The following L3MBTL2 variants were observed in gnomAD, a reference collection of about 807,000 sequenced individuals.
The protein encoded by L3MBTL2 is lethal(3)malignant brain tumor-like protein 2.
In L3MBTL2, 49 loss-of-function variants were observed where a neutral mutation model predicts 86.4. That is an observed-to-expected ratio of 0.57 (90% CI 0.45 to 0.72). L3MBTL2 has a LOEUF of 0.72. L3MBTL2 is among the 30% of genes least tolerant of loss of function. L3MBTL2 has a pLI of 0.00. For missense variants in L3MBTL2, 755 were observed against 923.7 expected (o/e 0.82, Z 2.37); for synonymous variants, 336 against 350.6 (o/e 0.96, Z 0.47).
At position 41,230,658 on chromosome 22, in the gene L3MBTL2, G is replaced by A. The variant is rs1478950336; in HGVS notation, c.*407G>A. 1 of 199,510 alleles carries A rather than the reference G, an allele frequency of 5.0e-6. No individual in the cohort carries two copies. The highest frequency in any genetic ancestry group is 1.0e-5 in the Non-Finnish European group (1 of 98,936). The allele number at this position is 199,510 out of a possible 1,614,324, so 12.4% of individuals were successfully genotyped here. A position where few individuals can be genotyped will look rare whatever the true frequency, so the allele number is the denominator to read the frequency against. ...CAGTGAACTCTGTCTGCCTGAACGA[G>A]CCATGTAAATTAAGTTCTAGAGCAG... On this transcript the variant is annotated 3_prime_UTR_variant, in exon 17 of 17. Coordinates refer to ENST00000216237, the MANE Select transcript of L3MBTL2 (RefSeq NM_031488.5).
At chr22:41,211,781 T>A (rs1252315160) in intron 2 of L3MBTL2, among the ~76,000 whole-genome samples, 1 of 143,622 alleles carries the variant, frequency 7.0e-6, no homozygotes, top group African/African-American at 2.6e-5. Flanking sequence ...ATGGTCTCGA[T>A]CTCCTGACCT....
intron 3 of L3MBTL2, among the ~76,000 whole-genome samples, chr22:41,215,268 C>G (rs2031254372): frequency 6.6e-6 from 1 of 152,160 alleles, no homozygotes; most frequent in Non-Finnish European, 1.5e-5. Context: ...CTTCCGAGAG[C>G]TAAGAATAAT....
intron 2 of L3MBTL2, among the ~76,000 whole-genome samples, chr22:41,212,245 C>G (rs1469408133): frequency 6.6e-6 from 1 of 152,130 alleles, no homozygotes. Flanking sequence ...CAGCCCTTCT[C>G]TTAGAATCTT....
In L3MBTL2 at chr22:41,221,284, C is replaced by G; in HGVS notation, c.939C>G (p.Ile313Met). 1 of 1,551,546 alleles carries G rather than the reference C, an allele frequency of 6.4e-7. No homozygotes were observed. ...GGACGCTTCCCGTGGATTTCCACAT[C>G]AAGGTCGGCAGTGAGCCCTTAACTG... ...GSRTLPVDFHIKMVESMKYPF... is the reference protein window; with the variant it reads ...GSRTLPVDFHMKMVESMKYPF... The change falls in exon 8 of 17, where the codon ATC becomes ATG. Residue 313 changes from isoleucine to methionine, a missense_variant. By Grantham distance (10) the Ile-to-Met change is conservative (BLOSUM62 1). Around this residue, in one of 3 missense-constraint regions of L3MBTL2, gnomAD observed 634 missense variants for 748.9 expected, o/e 0.85. Transcript: ENST00000216237.
chr22:41,205,816 G>A (rs772035811), intron 1 of L3MBTL2, among the ~76,000 whole-genome samples: 1 of 152,128 alleles, frequency 6.6e-6, no homozygotes, highest in African/African-American at 2.4e-5. Flanking sequence ...CAGCAATCAT[G>A]TATTATTCTT....
chr22:41,208,745 AT>A, intron 1 of L3MBTL2, among the ~76,000 whole-genome samples: 1 of 152,110 alleles, frequency 6.6e-6, no homozygotes, highest in South Asian at 2.1e-4. Flanking sequence ...ACGGGGAAGA[AT>A]TTTTGTTTTT....
At chr22:41,219,760 T>A (rs1201976880) in intron 6 of L3MBTL2, among the ~76,000 whole-genome samples, 4 of 152,190 alleles carry the variant, frequency 2.6e-5, no homozygotes. Context: ...TTGTTTTTTT[T>A]AGATGGTGTC....
chr22:41,215,702 G>GGGCCCTCTCCC, intron 3 of L3MBTL2, among the ~76,000 whole-genome samples: 1 of 152,176 alleles, frequency 6.6e-6, no homozygotes, highest in African/African-American at 2.4e-5. Context: ...TCGCCTATGT[G>GGGCCCTCTCCC]GACCCTCTCC....
intron 5 of L3MBTL2, chr22:41,217,600 C>T (rs1452773478): frequency 5.0e-6 from 1 of 199,390 alleles, no homozygotes; most frequent in African/African-American, 2.4e-5. Flanking sequence ...CTCCTGGAGC[C>T]ACTTCTGTAA....
chr22:41,225,720 T>C lies in L3MBTL2; in HGVS notation c.1357-74T>C, dbSNP rs2032136114. Reference sequence around the variant, plus strand: ...GGATCCATTTGCCTCGTGTCCCTATTGGGGTGCGGTACCAACCCAGGATGG... The same window carrying C: ...GGATCCATTTGCCTCGTGTCCCTATCGGGGTGCGGTACCAACCCAGGATGG... On this transcript the variant is annotated intron_variant, in intron 11 of 16. Transcript: ENST00000216237. This position sits in a 1 kb window ranked among gnomAD's most constrained non-coding sequence, Gnocchi z 4.1. 2 of 1,507,526 alleles carry C rather than the reference T, an allele frequency of 1.3e-6. No individual in the cohort carries two copies. The highest frequency in any genetic ancestry group is 3.7e-5 in the Admixed American group (2 of 54,430). 93.4% of individuals were successfully genotyped at this position (1,507,526 alleles called of 1,614,324 possible).
chr22:41,220,416 G>A (rs1428817606), intron 6 of L3MBTL2, among the ~76,000 whole-genome samples: 3 of 151,854 alleles, frequency 2.0e-5, no homozygotes, highest in African/African-American at 7.3e-5. Context: ...AGCTAGGCCC[G>A]GTGGCTCACG....
chr22:41,209,764 T>C lies in L3MBTL2; in HGVS notation c.93T>C (p.Asp31=), dbSNP rs768511706. 1.2e-6 allele frequency: 2 copies of C among 1,614,168 alleles called. No homozygotes were observed. The highest frequency in any genetic ancestry group is 1.7e-5 in the Admixed American group (1 of 60,016). The part of the protein sequence containing the change: ...DDDLELFGGY[D]SFRSYNSSVG... ...ACTTGGAGCTGTTTGGTGGCTATGA[T>C]AGTTTCCGGAGTTATAACAGCAGTG... is the stretch of plus-strand genomic sequence containing the variant. Residue 31 remains aspartate, a synonymous_variant, in exon 2 of 17, where the codon GAT becomes GAC. Coordinates refer to ENST00000216237, the MANE Select transcript of L3MBTL2 (RefSeq NM_031488.5).
chr22:41,206,594 C>G (rs1166957868), intron 1 of L3MBTL2, among the ~76,000 whole-genome samples: 1 of 151,962 alleles, frequency 6.6e-6, no homozygotes, highest in Non-Finnish European at 1.5e-5. Context: ...GTCAGGAGAT[C>G]GAGACCATCC....
chr22:41,209,805 G>A lies in L3MBTL2; in HGVS notation c.134G>A (p.Ser45Asn), dbSNP rs150194965. ...SYNSSVGSES[S>N]SYLEESSEAE... is the part of the protein sequence containing the mutation. ...AACAGCAGTGTGGGCAGTGAGAGCA[G>A]CTCCTATCTGGAGGAGTCAAGTGAA... Residue 45 changes from serine to asparagine, a missense_variant, in exon 2 of 17, where the codon AGC (serine) becomes AAC (asparagine). Around this residue, in one of 3 missense-constraint regions of L3MBTL2, gnomAD observed 103 missense variants for 105.2 expected, o/e 0.98. Coordinates refer to ENST00000216237, the MANE Select transcript of L3MBTL2 (RefSeq NM_031488.5). The A allele has an allele frequency of 6.2e-7, 1 of 1,614,098 alleles. No homozygotes were observed. The highest frequency in any genetic ancestry group is 8.5e-7 in the Non-Finnish European group (1 of 1,180,054).
chr22:41,226,012 C>T, intron 12 of L3MBTL2, 71 bp downstream of exon 12: 2 of 1,536,742 alleles, frequency 1.3e-6, no homozygotes, highest in Non-Finnish European at 1.8e-6. Flanking sequence ...CGCGGTGGCT[C>T]CCGCCTGTAA....
chr22:41,219,246 CTCT>C, intron 5 of L3MBTL2, 170 bp from the exon 6 acceptor site: 1 of 549,820 alleles, frequency 1.8e-6, no homozygotes. Flanking sequence ...CCCGGCTTAG[CTCT>C]TCAAGGACAG....
Position 41,227,638 on chromosome 22 carries a change from C to A in L3MBTL2, c.1823-166C>A. ...AGGGTGGGAAGAAGGGACAGCTGTT[C>A]TCCGGCCCCTCCTCCAGCCCCGCCC... On this transcript the variant is annotated intron_variant, in intron 14 of 16. Transcript: ENST00000216237. This position sits in a 1 kb window ranked among gnomAD's most constrained non-coding sequence, Gnocchi z 6.0. 1.3e-6 allele frequency: 2 copies of A among 1,550,218 alleles called. No individual in the cohort carries two copies. Among genetic ancestry groups the A allele is most frequent in the Non-Finnish European group, 8.7e-7 (1 of 1,146,588 alleles).
rs2032050378 is a variant in L3MBTL2, at chr22:41,224,508, G to C, written c.1175-217G>C. ...CCCTGTCAATGCGGGAGCAGTCTGG[G>C]TTTCGAGGGCTGAAGAGTCCCTACA... On this transcript the variant is annotated intron_variant, in intron 9 of 16. Coordinates refer to ENST00000216237, the MANE Select transcript of L3MBTL2 (RefSeq NM_031488.5). This position sits in a 1 kb window ranked among gnomAD's most constrained non-coding sequence, Gnocchi z 4.9. Among the ~76,000 whole-genome samples the C allele has an allele frequency of 6.6e-6, 1 of 152,178 alleles. No individual in the cohort carries two copies. Among genetic ancestry groups the C allele is most frequent in the Non-Finnish European group, 1.5e-5 (1 of 68,046 alleles).
At chr22:41,222,967 G>T (rs139473) in intron 8 of L3MBTL2, among the ~76,000 whole-genome samples, 2 of 151,960 alleles carry the variant, frequency 1.3e-5, no homozygotes, top group Non-Finnish European at 1.5e-5. Context: ...TGGATTGTGG[G>T]CTGCACTGTG....
Sources: allele counts gnomAD v4.1 joint callset (sites outside exome capture counted in the v4.1 genomes callset), GRCh38; gene constraint gnomAD v4.1.1; regional missense constraint gnomAD v4.1.1; non-coding constraint Gnocchi (gnomAD v3.1); transcripts MANE v1.5; gene names NCBI Gene and HGNC (gene_info 2026-07-23, HGNC 2026-07-21).